CLTRN: variants seen among roughly 807,000 people sequenced by gnomAD.
CLTRN encodes collectrin.
A neutral mutation model predicts 14.5 loss-of-function variants in CLTRN; 12 were observed. That is an observed-to-expected ratio of 0.83 (90% CI 0.53 to 1.34). The LOEUF is 1.34. CLTRN is among the 40% of genes most tolerant of loss of function. The pLI, the probability that CLTRN is intolerant of heterozygous loss-of-function variation, is 0.00. For missense variants in CLTRN, 154 were observed against 165.1 expected (o/e 0.93, Z 0.37); for synonymous variants, 58 against 56.5 (o/e 1.03, Z -0.12).
chrX:15,651,623 T>G (rs966407375), intron 3 of CLTRN, among the ~76,000 whole-genome samples: 2 of 111,445 alleles, frequency 1.8e-5, no homozygotes, highest in Admixed American at 9.5e-5. Context: ...CTAGGGAGAT[T>G]ATCAAATATT....
chrX:15,673,815 G>A (rs1304516488), intron 1 of CLTRN, among the ~76,000 whole-genome samples: 2 of 112,147 alleles, frequency 1.8e-5, no homozygotes, highest in African/African-American at 6.5e-5. Flanking sequence ...GGGAAAAATT[G>A]TAATCCTCTA....
At chrX:15,664,469 A>G (rs765316673) in intron 1 of CLTRN, 74 bp from the exon 2 acceptor site, 182 of 895,314 alleles carry the variant, frequency 2.0e-4, no homozygotes, top group Non-Finnish European at 2.7e-4. Context: ...AAAAATCCTA[A>G]TATGTAATGC....
chrX:15,655,955 C>G (rs747496658), intron 3 of CLTRN, among the ~76,000 whole-genome samples: 1 of 111,749 alleles, frequency 8.9e-6, no homozygotes, highest in African/African-American at 3.3e-5. Flanking sequence ...GAATGGGGAC[C>G]AACTCATCAG....
chrX:15,631,945 A>G (rs895467546), intron 5 of CLTRN, among the ~76,000 whole-genome samples: 6 of 112,392 alleles, frequency 5.3e-5, no homozygotes, highest in African/African-American at 1.9e-4. Context: ...ATCTTTCTGG[A>G]TCATTCTGAT....
intron 2 of CLTRN, 91 bp from the exon 3 acceptor site, chrX:15,659,192 C>A (rs1378477150): frequency 3.9e-5 from 13 of 331,105 alleles, no homozygotes; most frequent in South Asian, 7.2e-5. Flanking sequence ...CTCTCTCTCT[C>A]CACACACACA....
At chrX:15,655,353 T>A (rs918648198) in intron 3 of CLTRN, among the ~76,000 whole-genome samples, 3 of 112,379 alleles carry the variant, frequency 2.7e-5, no homozygotes, top group Non-Finnish European at 5.6e-5. Context: ...CCACTCAGAA[T>A]GCTCCTGTGG....
chrX:15,629,139 G>A (rs1928633339), intron 5 of CLTRN, among the ~76,000 whole-genome samples: 1 of 111,645 alleles, frequency 9.0e-6, no homozygotes, highest in Non-Finnish European at 1.9e-5. Context: ...TGTTAGGCAT[G>A]AGGCTCCTGG....
chrX:15,669,757 C>T (rs1427976021), upstream of CLTRN, among the ~76,000 whole-genome samples: 1 of 111,922 alleles, frequency 8.9e-6, no homozygotes, highest in African/African-American at 3.2e-5. Flanking sequence ...ACCAATGTTT[C>T]TTTTAAAATT....
intron 5 of CLTRN, among the ~76,000 whole-genome samples, chrX:15,637,646 T>C (rs960771447): frequency 1.4e-4 from 16 of 111,884 alleles, no homozygotes; most frequent in African/African-American, 4.9e-4. Context: ...AGGAAAGAGA[T>C]AGCTGATCCC....
chrX:15,658,408 G>C (rs1393613426), intron 3 of CLTRN, among the ~76,000 whole-genome samples: 1 of 112,164 alleles, frequency 8.9e-6, no homozygotes, highest in Non-Finnish European at 1.9e-5. Flanking sequence ...CCCATGCCCA[G>C]GTTCTCCTTC....
Position 15,628,018 on chromosome X carries a change from T to C in CLTRN, c.622A>G (p.Ile208Val), listed in dbSNP as rs768304611. The stretch of plus-strand genomic sequence containing the variant: ...TCCTCTGTCATGAAGGCATCATTAA[T>C]ATGCCCTCCCTTCATGTCCAGGGGA... Reference protein sequence around the residue: ...SDPLDMKGGHINDAFMTEDER... With the variant: ...SDPLDMKGGHVNDAFMTEDER... The change falls in exon 6 of 6, where the codon ATT (isoleucine) becomes GTT (valine). Residue 208 changes from isoleucine to valine, a missense_variant. Physicochemically the swap from Ile to Val is conservative, Grantham distance 29. Coordinates refer to ENST00000380342, the MANE Select transcript of CLTRN (RefSeq NM_020665.6). The C allele has an allele frequency of 8.8e-7, 1 of 1,131,392 alleles. No homozygotes were observed. The highest frequency in any genetic ancestry group is 2.6e-5 in the Admixed American group (1 of 38,677). The allele number at this position is 1,131,392 out of a possible 1,213,427, so 93.2% of individuals were successfully genotyped here. A position where few individuals can be genotyped will look rare whatever the true frequency, so the allele number is the denominator to read the frequency against.
intron 4 of CLTRN, among the ~76,000 whole-genome samples, chrX:15,644,518 A>G (rs1929013688): frequency 9.0e-6 from 1 of 111,645 alleles, no homozygotes; most frequent in African/African-American, 3.3e-5. Flanking sequence ...ATTAGTTTGC[A>G]TGAGAGTCAT....
intron 1 of CLTRN, chrX:15,674,957 G>A (rs928241194): frequency 8.8e-6 from 1 of 113,696 alleles, no homozygotes; most frequent in African/African-American, 3.2e-5. Flanking sequence ...GAAAAGAGAG[G>A]TGTGGAATGC....
At chrX:15,640,170 C>T (rs951172635) in intron 4 of CLTRN, among the ~76,000 whole-genome samples, 2 of 112,040 alleles carry the variant, frequency 1.8e-5, no homozygotes, top group East Asian at 5.6e-4. Context: ...ATCAGACATG[C>T]CCACCAGTGT....
At chrX:15,656,476 G>C (rs747371479) in intron 3 of CLTRN, among the ~76,000 whole-genome samples, 3 of 110,612 alleles carry the variant, frequency 2.7e-5, no homozygotes, top group Middle Eastern at 4.8e-3. Flanking sequence ...AATGGTGGGC[G>C]GGGGGGAGAC....
At chrX:15,668,639 C>T (rs1929664735), upstream of CLTRN, among the ~76,000 whole-genome samples, 1 of 111,365 alleles carries the variant, frequency 9.0e-6, no homozygotes, top group African/African-American at 3.3e-5. Flanking sequence ...ATTCTTGAAG[C>T]GTTTTTTTTC....
chrX:15,655,213 G>C lies in CLTRN; in HGVS notation c.203+3803C>G, dbSNP rs1032712344. On this transcript the variant is annotated intron_variant, in intron 3 of 5. Coordinates refer to ENST00000380342, the MANE Select transcript of CLTRN (RefSeq NM_020665.6). The stretch of plus-strand genomic sequence containing the variant: ...CACCATGCTTCATTCTCCTCGCTTA[G>C]GGACAGGAAAGCAAGATGATGGGGG... 5.3e-5 allele frequency among the ~76,000 whole-genome samples: 6 copies of C among 112,198 alleles called. No homozygotes were observed. The East Asian group carries it at 1.7e-3, about 31-fold the overall frequency.
At chrX:15,628,886 G>A (rs769871458) in intron 5 of CLTRN, among the ~76,000 whole-genome samples, 3 of 112,004 alleles carry the variant, frequency 2.7e-5, no homozygotes, top group South Asian at 3.7e-4. Flanking sequence ...GACCCCAACC[G>A]AAGTAATATG....
At chrX:15,640,500 C>G (rs763147212) in intron 4 of CLTRN, among the ~76,000 whole-genome samples, 1 of 112,500 alleles carries the variant, frequency 8.9e-6, no homozygotes, top group South Asian at 3.6e-4. Context: ...TGGGCAAAGC[C>G]CAGAATCCTC....
Sources: gnomAD v4.1 joint callset for allele counts (sites outside exome capture counted in the v4.1 genomes callset) on GRCh38, gnomAD v4.1.1 for gene constraint, MANE v1.5 for transcripts, NCBI Gene and HGNC (gene_info 2026-07-23, HGNC 2026-07-21) for gene names.